The following ZNF804A variants were observed in gnomAD, a reference collection of about 807,000 sequenced individuals.
ZNF804A encodes the protein zinc finger protein 804A.
Under a neutral mutation model 16.5 loss-of-function variants are expected in ZNF804A, and 2 were observed. The ratio of observed to expected loss-of-function variants is 0.12; its 90% CI spans 0.05 to 0.38. The LOEUF (loss-of-function observed/expected upper bound fraction) is 0.38, where lower values mean the gene tolerates loss of function less well. ZNF804A is among the 10% of genes least tolerant of loss of function. The probability of loss-of-function intolerance (pLI) is 0.99; values close to 1 mark genes in which losing one functional copy is unlikely to be tolerated. For missense variants in ZNF804A, 1,473 were observed against 1,390.7 expected, an observed-to-expected ratio of 1.06 and a Z score of -0.94; for synonymous variants, 534 against 489.6, an observed-to-expected ratio of 1.09 and a Z score of -1.20.
chr2:184,628,238 T>G (rs1282706329), intron 1 of ZNF804A, among the ~76,000 whole-genome samples: 1 of 151,662 alleles, frequency 6.6e-6, no homozygotes, highest in African/African-American at 2.4e-5. Context: ...TCGCTTGAAC[T>G]GGGGAGGAGG....
intron 1 of ZNF804A, among the ~76,000 whole-genome samples, chr2:184,628,391 T>C (rs890872292): frequency 6.6e-6 from 1 of 152,084 alleles, no homozygotes; most frequent in Non-Finnish European, 1.5e-5. Flanking sequence ...GAAATATTTA[T>C]TGTTTAAAAG....
At position 184,670,520 on chromosome 2, in the gene ZNF804A, T is replaced by C. The variant is rs1368310337; in HGVS notation, c.111+71450T>C. Among the ~76,000 whole-genome samples, 7 of 152,228 alleles carry C rather than the reference T, an allele frequency of 4.6e-5. No homozygotes were observed. In the East Asian group the frequency reaches 1.4e-3, roughly 29 times the overall value. On this transcript the variant is annotated intron_variant, in intron 1 of 3. Coordinates refer to ENST00000302277, the MANE Select transcript of ZNF804A (RefSeq NM_194250.2). ...GATATACCATATTTTAGTTCTTGGA[T>C]TCCCTATTTGACTGTGATGTTCTTA...
At chr2:184,833,729 A>G (rs1298620992) in intron 1 of ZNF804A, among the ~76,000 whole-genome samples, 1 of 152,078 alleles carries the variant, frequency 6.6e-6, no homozygotes, top group Non-Finnish European at 1.5e-5. Context: ...TCAAAACATT[A>G]TATCAGGAGG....
chr2:184,901,889 G>C (rs917153994), intron 2 of ZNF804A, among the ~76,000 whole-genome samples: 1 of 151,570 alleles, frequency 6.6e-6, no homozygotes, highest in African/African-American at 2.4e-5. Flanking sequence ...ATATATATGA[G>C]TATATATATA....
intron 1 of ZNF804A, among the ~76,000 whole-genome samples, chr2:184,777,970 T>C (rs1194644591): frequency 6.6e-6 from 1 of 151,748 alleles, no homozygotes; most frequent in Non-Finnish European, 1.5e-5. Context: ...CAATTAATAA[T>C]TCATTTACAA....
chr2:184,929,983 GTT>G (rs1367271314), intron 2 of ZNF804A, among the ~76,000 whole-genome samples: 1 of 152,008 alleles, frequency 6.6e-6, no homozygotes, highest in East Asian at 1.9e-4. Flanking sequence ...TAATGTGTAT[GTT>G]CACTCCTTAT....
intron 1 of ZNF804A, among the ~76,000 whole-genome samples, chr2:184,712,546 C>T (rs957162058): frequency 2.0e-5 from 3 of 151,700 alleles, no homozygotes; most frequent in Non-Finnish European, 3.0e-5. Flanking sequence ...TTCTGAGCTT[C>T]GTAAATCTCA....
At chr2:184,615,266 T>C (rs1691300821) in intron 1 of ZNF804A, among the ~76,000 whole-genome samples, 2 of 151,992 alleles carry the variant, frequency 1.3e-5, no homozygotes, top group South Asian at 4.1e-4. Flanking sequence ...AACCACCTAA[T>C]GTAGGTGACA....
At position 184,936,619 on chromosome 2, in the gene ZNF804A, A is replaced by G. The variant is rs1574278438; in HGVS notation, c.1223A>G (p.Asn408Ser). 1 of 1,614,078 alleles carries G rather than the reference A, an allele frequency of 6.2e-7. No homozygotes were observed. The highest frequency in any genetic ancestry group is 8.5e-7 in the Non-Finnish European group (1 of 1,179,954). ...TLAPSNTEEV[N>S]ITIHKKTNFC... Reference sequence around the variant, plus strand: ...GCCCCTTCAAATACTGAAGAGGTTAACATAACTATACATAAGAAAACAAAT... The same window carrying G: ...GCCCCTTCAAATACTGAAGAGGTTAGCATAACTATACATAAGAAAACAAAT... The change falls in exon 4 of 4, where the codon AAC becomes AGC. Residue 408 changes from asparagine to serine, a missense_variant. Physicochemically the swap from Asn to Ser is conservative, Grantham distance 46. Coordinates refer to ENST00000302277, the MANE Select transcript of ZNF804A (RefSeq NM_194250.2).
At chr2:184,689,335 A>C (rs1261660741) in intron 1 of ZNF804A, among the ~76,000 whole-genome samples, 1 of 152,140 alleles carries the variant, frequency 6.6e-6, no homozygotes, top group African/African-American at 2.4e-5. Flanking sequence ...GCTCACAATA[A>C]AAGAAAAATA....
chr2:184,724,026 T>G (rs1693363369), intron 1 of ZNF804A, among the ~76,000 whole-genome samples: 1 of 151,686 alleles, frequency 6.6e-6, no homozygotes, highest in African/African-American at 2.4e-5. Context: ...TTCAACATAG[T>G]TTTGGCAGTT....
At chr2:184,637,507 A>C (rs1691720730) in intron 1 of ZNF804A, among the ~76,000 whole-genome samples, 1 of 152,176 alleles carries the variant, frequency 6.6e-6, no homozygotes, top group African/African-American at 2.4e-5. Context: ...CAAATATAAA[A>C]AGTATAACAT....
At chr2:184,793,134 A>G (rs980047470) in intron 1 of ZNF804A, among the ~76,000 whole-genome samples, 3 of 152,086 alleles carry the variant, frequency 2.0e-5, no homozygotes, top group African/African-American at 7.2e-5. Flanking sequence ...ATAGTATTCC[A>G]TGGTGTATAT....
At chr2:184,806,904 A>G (rs944437233) in intron 1 of ZNF804A, among the ~76,000 whole-genome samples, 1 of 151,828 alleles carries the variant, frequency 6.6e-6, no homozygotes, top group Non-Finnish European at 1.5e-5. Context: ...GTCTTTATTT[A>G]AATAGAACAG....
rs58199746 is a variant in ZNF804A at position 184,798,006 on chromosome 2, A to ATGTGTGTGTG, written c.112-68324_112-68315dup. Among the ~76,000 whole-genome samples, 739 of 133,326 alleles carry ATGTGTGTGTG rather than the reference A, an allele frequency of 5.5e-3. 3 individuals are homozygous for ATGTGTGTGTG. The highest frequency in any genetic ancestry group is 0.011 in the Middle Eastern group (3 of 268). 87.5% of individuals were successfully genotyped at this position (133,326 alleles called of 152,430 possible). On this transcript the variant is annotated intron_variant, in intron 1 of 3. Transcript: ENST00000302277. ...TGTATACAAAATTCATGGCTGATAT[A>ATGTGTGTGTG]TGTGTGTGTGTGTGTGTGTGTGTGT...
At chr2:184,671,217 T>C (rs951364071) in intron 1 of ZNF804A, among the ~76,000 whole-genome samples, 1 of 152,218 alleles carries the variant, frequency 6.6e-6, no homozygotes, top group African/African-American at 2.4e-5. Context: ...ACTCACCATC[T>C]GTGTAGACAT....
At position 184,610,277 on chromosome 2, in the gene ZNF804A, T is replaced by A. The variant is rs113489746; in HGVS notation, c.111+11207T>A. On this transcript the variant is annotated intron_variant, in intron 1 of 3. Coordinates refer to ENST00000302277, the MANE Select transcript of ZNF804A (RefSeq NM_194250.2). ...TGACAACTGTAAAAAATAACTTTTT[T>A]AATGTATTATCCAGTGTCAAGTATT... Among the ~76,000 whole-genome samples, 1,503 of 152,308 alleles carry A rather than the reference T, an allele frequency of 9.9e-3. 12 individuals carry two copies. The highest frequency in any genetic ancestry group is 0.015 in the Non-Finnish European group (1,054 of 68,024).
chr2:184,828,351 G>A (rs954008694), intron 1 of ZNF804A, among the ~76,000 whole-genome samples: 3 of 151,640 alleles, frequency 2.0e-5, no homozygotes, highest in Non-Finnish European at 4.4e-5. Flanking sequence ...TGAAATAACT[G>A]AAGTAACAAA....
At chr2:184,669,924 A>C (rs1692317612) in intron 1 of ZNF804A, among the ~76,000 whole-genome samples, 1 of 152,054 alleles carries the variant, frequency 6.6e-6, no homozygotes, top group African/African-American at 2.4e-5. Context: ...CCATTCTCTT[A>C]CTAAGTTGTA....
Sources: allele counts gnomAD v4.1 joint callset (sites outside exome capture counted in the v4.1 genomes callset), GRCh38; gene constraint gnomAD v4.1.1; transcripts MANE v1.5; gene names NCBI Gene and HGNC (gene_info 2026-07-23, HGNC 2026-07-21).